The following FCHSD2 variants were observed in gnomAD, a reference collection of about 807,000 sequenced individuals.
The protein encoded by FCHSD2 is FCH and double SH3 domains 2.
A neutral mutation model predicts 108.1 loss-of-function variants in FCHSD2; 38 were observed. The observed-to-expected ratio is 0.35, with a 90% CI of 0.27 to 0.46. The LOEUF (loss-of-function observed/expected upper bound fraction) is 0.46. FCHSD2 is among the 20% of genes least tolerant of loss of function. The probability of loss-of-function intolerance (pLI) is 1.00; values close to 1 mark genes in which losing one functional copy is unlikely to be tolerated. For synonymous variants in FCHSD2, 279 were observed against 314.7 expected, an observed-to-expected ratio of 0.89 and a Z score of 1.20; for missense variants, 751 against 897.8, an observed-to-expected ratio of 0.84 and a Z score of 2.09.
chr11:73,117,538 T>C (rs1860632657), intron 2 of FCHSD2, among the ~76,000 whole-genome samples: 1 of 152,234 alleles, frequency 6.6e-6, no homozygotes, highest in South Asian at 2.1e-4. Context: ...AGTTTGTTTA[T>C]ATAGGGCATT....
chr11:72,856,443 T>C (rs533103598), intron 13 of FCHSD2, among the ~76,000 whole-genome samples: 76 of 152,352 alleles, frequency 5.0e-4, no homozygotes, highest in African/African-American at 1.7e-3. Flanking sequence ...TCTATAGCAC[T>C]GTATACATGT....
chr11:72,956,102 T>C (rs1463074400), intron 8 of FCHSD2, among the ~76,000 whole-genome samples: 2 of 152,164 alleles, frequency 1.3e-5, no homozygotes, highest in Admixed American at 6.5e-5. Context: ...AATGGGGACA[T>C]ACTCCTATCA....
At chr11:72,843,667 C>A in intron 14 of FCHSD2, 135 bp from the exon 15 acceptor site, 1 of 643,816 alleles carries the variant, frequency 1.6e-6, no homozygotes, top group Admixed American at 2.8e-5. Flanking sequence ...AATTTAAATG[C>A]TGTAAAACTT....
chr11:73,085,736 G>A (rs769400182), intron 2 of FCHSD2, among the ~76,000 whole-genome samples: 4 of 151,880 alleles, frequency 2.6e-5, no homozygotes, highest in Non-Finnish European at 4.4e-5. Context: ...AAATCCCTGG[G>A]CAAGGAGGGG....
At chr11:73,129,161 G>A (rs1309234662) in intron 2 of FCHSD2, among the ~76,000 whole-genome samples, 2 of 152,140 alleles carry the variant, frequency 1.3e-5, no homozygotes, top group Admixed American at 1.3e-4. Context: ...ATGAGCCACC[G>A]CGCCTGGCCA....
At chr11:73,066,489 C>T (rs955373606) in intron 3 of FCHSD2, among the ~76,000 whole-genome samples, 20 of 151,402 alleles carry the variant, frequency 1.3e-4, no homozygotes, top group Admixed American at 6.6e-4. Flanking sequence ...AAAGCCAAAA[C>T]TAATGGGATC....
chr11:72,970,536 T>G (rs942705487), intron 8 of FCHSD2, among the ~76,000 whole-genome samples: 9 of 152,228 alleles, frequency 5.9e-5, no homozygotes, highest in Admixed American at 5.2e-4. Context: ...GGTCAAATTT[T>G]TTTCAACCTC....
At chr11:73,083,525 G>A (rs771735528) in intron 3 of FCHSD2, among the ~76,000 whole-genome samples, 170 bp downstream of exon 3, 9 of 148,320 alleles carry the variant, frequency 6.1e-5, no homozygotes, top group African/African-American at 1.2e-4. Flanking sequence ...CTCCAGCCTC[G>A]CAACAAAGCG....
Position 73,070,738 on chromosome 11 carries a change from T to TA in FCHSD2, c.165+12956dup, listed in dbSNP as rs879356154. On this transcript the variant is annotated intron_variant, in intron 3 of 19. Coordinates refer to ENST00000409418, the MANE Select transcript of FCHSD2 (RefSeq NM_014824.3). Reference sequence around the variant, plus strand: ...ACCATACCCGGCCTAAATGTCAAATTAAAAAAAAAAAAGAAATTGAACAAG... The same window carrying TA: ...ACCATACCCGGCCTAAATGTCAAATTAAAAAAAAAAAAAGAAATTGAACAAG... Among the ~76,000 whole-genome samples, 78 of 141,310 alleles carry TA rather than the reference T, an allele frequency of 5.5e-4. 1 individual carries two copies. The highest frequency in any genetic ancestry group is 3.3e-3 in the East Asian group (16 of 4,910). 92.7% of individuals were successfully genotyped at this position (141,310 alleles called of 152,430 possible).
At chr11:73,107,522 T>C (rs538754145) in intron 2 of FCHSD2, among the ~76,000 whole-genome samples, 1 of 152,328 alleles carries the variant, frequency 6.6e-6, no homozygotes, top group East Asian at 1.9e-4. Flanking sequence ...CACCCTGTTG[T>C]GCTATCAAAT....
intron 8 of FCHSD2, among the ~76,000 whole-genome samples, chr11:72,930,041 G>T (rs887676178): frequency 6.6e-6 from 1 of 152,044 alleles, no homozygotes; most frequent in Non-Finnish European, 1.5e-5. Context: ...TCTTAATTGG[G>T]TCACCTTTAT....
intron 12 of FCHSD2, among the ~76,000 whole-genome samples, chr11:72,884,725 C>A (rs2135240757): frequency 6.6e-6 from 1 of 152,084 alleles, no homozygotes; most frequent in South Asian, 2.1e-4. Context: ...TCCCAAGTAG[C>A]TGAGACTACA....
chr11:72,963,107 T>G (rs1005411813), intron 8 of FCHSD2, among the ~76,000 whole-genome samples: 1 of 152,212 alleles, frequency 6.6e-6, no homozygotes, highest in African/African-American at 2.4e-5. Context: ...TTTAGATCAG[T>G]GCCTAGCATA....
intron 2 of FCHSD2, among the ~76,000 whole-genome samples, chr11:73,095,073 G>C (rs903780554): frequency 6.6e-6 from 1 of 152,146 alleles, no homozygotes; most frequent in African/African-American, 2.4e-5. Flanking sequence ...TTTGAATACA[G>C]TATAAACAGA....
At chr11:72,957,802 G>A (rs1311044083) in intron 8 of FCHSD2, among the ~76,000 whole-genome samples, 1 of 152,040 alleles carries the variant, frequency 6.6e-6, no homozygotes, top group Non-Finnish European at 1.5e-5. Context: ...AATGATAATG[G>A]ATATAGATAT....
At chr11:72,920,203 G>C (rs1265708744) in intron 9 of FCHSD2, among the ~76,000 whole-genome samples, 1 of 152,152 alleles carries the variant, frequency 6.6e-6, no homozygotes. Flanking sequence ...TCTTGGCAAA[G>C]ATTAATAAAA....
intron 13 of FCHSD2, among the ~76,000 whole-genome samples, chr11:72,851,101 CAAAAAAAAAAA>C (rs55916551): frequency 2.9e-5 from 2 of 70,110 alleles, no homozygotes; most frequent in Non-Finnish European, 5.0e-5. Flanking sequence ...GACTCTGTCT[CAAAAAAAAAAA>C]AAAAAAAAAA....
chr11:72,911,976 CTACTTAT>C (rs1855773791), intron 9 of FCHSD2, among the ~76,000 whole-genome samples: 1 of 152,148 alleles, frequency 6.6e-6, no homozygotes, highest in South Asian at 2.1e-4. Context: ...TATAGAAATG[CTACTTAT>C]TTTTGTATGT....
Position 73,140,013 on chromosome 11 carries a change from T to C in FCHSD2, c.119+18A>G. 1 of 1,400,000 alleles carries C rather than the reference T, an allele frequency of 7.1e-7. No individual in the cohort carries two copies. Among genetic ancestry groups the C allele is most frequent in the Non-Finnish European group, 9.7e-7 (1 of 1,032,862 alleles). 86.7% of individuals were successfully genotyped at this position (1,400,000 alleles called of 1,614,324 possible). On this transcript the variant is annotated intron_variant, in intron 2 of 19. Transcript: ENST00000409418. The stretch of plus-strand genomic sequence containing the variant: ...AACAGACAAACAGAAGTCCTTGAAC[T>C]ATTTACTATAGCCTTACCTCATATC...
Sources: allele counts gnomAD v4.1 joint callset (sites outside exome capture counted in the v4.1 genomes callset), GRCh38; gene constraint gnomAD v4.1.1; transcripts MANE v1.5; gene names NCBI Gene and HGNC (gene_info 2026-07-23, HGNC 2026-07-21).